The following DNAH9 variants were observed in gnomAD, a reference collection of about 807,000 sequenced individuals.
DNAH9 encodes dynein axonemal heavy chain 9.
Under a neutral mutation model 471.6 loss-of-function variants are expected in DNAH9, and 345 were observed. The observed-to-expected ratio is 0.73, with a 90% CI of 0.67 to 0.80. The LOEUF (loss-of-function observed/expected upper bound fraction) is 0.80, where lower values mean the gene tolerates loss of function less well. Ranked by LOEUF, DNAH9 falls within the 30% of genes least tolerant of loss-of-function variation. The probability of loss-of-function intolerance (pLI) is 0.00; values close to 1 mark genes in which losing one functional copy is unlikely to be tolerated. For missense variants in DNAH9, 5,407 were observed against 5,609.2 expected, an observed-to-expected ratio of 0.96 and a Z score of 1.15; for synonymous variants, 2,093 against 2,123.6, an observed-to-expected ratio of 0.99 and a Z score of 0.40.
intron 42 of DNAH9, among the ~76,000 whole-genome samples, chr17:11,795,021 T>C (rs1275759329): frequency 6.6e-6 from 1 of 152,052 alleles, no homozygotes; most frequent in Non-Finnish European, 1.5e-5. Flanking sequence ...CATGTATACA[T>C]ATGTAACAAA....
rs773110271 is a variant in DNAH9 at position 11,902,912 on chromosome 17, G to T, written c.11600G>T (p.Arg3867Leu). ...CCCGACCGGATGACCTATGCTTTGC[G>T]GTAGGAAACAGGGTGGTGGAAGGCC... ...MRPDRMTYALRDFVEEKLGSK... is the reference protein window; with the variant it reads ...MRPDRMTYALLDFVEEKLGSK... Residue 3867 changes from arginine to leucine, a missense_variant and splice_region_variant, in exon 60 of 69, where the codon CGA becomes CTA. Arg to Leu is a moderately radical substitution (Grantham distance 102). Coordinates refer to ENST00000262442, the MANE Select transcript of DNAH9 (RefSeq NM_001372.4). 3.1e-6 allele frequency: 5 copies of T among 1,611,720 alleles called. No individual in the cohort carries two copies. The highest frequency in any genetic ancestry group is 1.3e-5 in the African/African-American group (1 of 74,842).
intron 48 of DNAH9, among the ~76,000 whole-genome samples, chr17:11,825,928 G>A (rs1970472575): frequency 6.6e-6 from 1 of 152,170 alleles, no homozygotes; most frequent in African/African-American, 2.4e-5. Context: ...GGTTAATCTG[G>A]AACTATCATG....
At chr17:11,640,609 C>G (rs2073253382) in intron 10 of DNAH9, among the ~76,000 whole-genome samples, 1 of 152,184 alleles carries the variant, frequency 6.6e-6, no homozygotes, top group Admixed American at 6.5e-5. Context: ...AACTGGCTGA[C>G]TCATTTTGCT....
intron 48 of DNAH9, among the ~76,000 whole-genome samples, chr17:11,824,865 TCTTCTCCTTCTC>T (rs111768224): frequency 9.9e-5 from 15 of 151,430 alleles, no homozygotes; most frequent in African/African-American, 3.2e-4. Flanking sequence ...TTCAGTACTG[TCTTCTCCTTCTC>T]CTTCTCCTTC....
rs757394633 is a variant in DNAH9, at chr17:11,854,094, G to A, written c.9599G>A (p.Gly3200Asp). ...AAVMVLMAPR[G>D]RVPKDRSWKA... Reference sequence around the variant, plus strand: ...GTGATGGTACTGATGGCTCCCAGGGGTAGGGTGCCCAAGGACCGGAGCTGG... The same window carrying A: ...GTGATGGTACTGATGGCTCCCAGGGATAGGGTGCCCAAGGACCGGAGCTGG... The change falls in exon 50 of 69, where the codon GGT becomes GAT. Residue 3200 changes from glycine to aspartate, a missense_variant. Gly to Asp is a moderately conservative substitution (Grantham distance 94). Transcript: ENST00000262442. 2.5e-6 allele frequency: 4 copies of A among 1,614,044 alleles called. No homozygotes were observed. The highest frequency in any genetic ancestry group is 1.7e-5 in the Admixed American group (1 of 59,996).
At chr17:11,738,464 T>C (rs983576634) in intron 28 of DNAH9, among the ~76,000 whole-genome samples, 7 of 152,170 alleles carry the variant, frequency 4.6e-5, no homozygotes, top group Non-Finnish European at 8.8e-5. Context: ...CACGGCAACC[T>C]CCACCTCCCT....
intron 67 of DNAH9, among the ~76,000 whole-genome samples, chr17:11,960,802 C>T (rs373595523): frequency 6.6e-6 from 1 of 152,024 alleles, no homozygotes; most frequent in African/African-American, 2.4e-5. Context: ...AAAGTTAGAT[C>T]TAGAATTCCA....
intron 24 of DNAH9, among the ~76,000 whole-genome samples, chr17:11,703,709 T>C (rs928905299): frequency 6.6e-6 from 1 of 152,238 alleles, no homozygotes; most frequent in African/African-American, 2.4e-5. Context: ...TTTAAGGTTT[T>C]AAAATATCTT....
chr17:11,876,035 A>G (rs1165644729), intron 53 of DNAH9, among the ~76,000 whole-genome samples: 1 of 152,032 alleles, frequency 6.6e-6, no homozygotes, highest in Non-Finnish European at 1.5e-5. Flanking sequence ...CTGGTTAATA[A>G]CCAGTAAGGT....
intron 35 of DNAH9, among the ~76,000 whole-genome samples, chr17:11,758,592 T>G (rs1437329796): frequency 6.6e-6 from 1 of 152,044 alleles, no homozygotes; most frequent in Admixed American, 6.6e-5. Flanking sequence ...TTGTCAAGCA[T>G]GGGATATGAT....
chr17:11,718,916 G>GGCAAAGAT (rs913755814), intron 26 of DNAH9, among the ~76,000 whole-genome samples: 7 of 152,158 alleles, frequency 4.6e-5, no homozygotes, highest in African/African-American at 1.7e-4. Flanking sequence ...CCATTAGCCA[G>GGCAAAGAT]GCAAAGATTA....
intron 65 of DNAH9, among the ~76,000 whole-genome samples, chr17:11,936,026 G>T (rs1489085773): frequency 6.6e-6 from 1 of 152,200 alleles, no homozygotes; most frequent in Non-Finnish European, 1.5e-5. Flanking sequence ...ACAGGCAAAG[G>T]AAGTCTGTTT....
chr17:11,707,600 G>A (rs571145963), intron 26 of DNAH9, among the ~76,000 whole-genome samples: 3 of 150,216 alleles, frequency 2.0e-5, no homozygotes, highest in South Asian at 4.2e-4. Context: ...AGTCCGACTC[G>A]AACTGCTTCC....
At chr17:11,844,005 A>G (rs987390042) in intron 49 of DNAH9, among the ~76,000 whole-genome samples, 14 of 146,052 alleles carry the variant, frequency 9.6e-5, no homozygotes, top group Admixed American at 5.5e-4. Flanking sequence ...CTTGTTTTTT[A>G]TCTTTGCTTA....
intron 49 of DNAH9, among the ~76,000 whole-genome samples, chr17:11,853,698 A>T (rs1232344795): frequency 6.6e-6 from 1 of 152,206 alleles, no homozygotes; most frequent in Non-Finnish European, 1.5e-5. Flanking sequence ...ATTTCAGAGT[A>T]TGTCGGCATC....
At chr17:11,742,899 GCT>G (rs2075453013) in intron 30 of DNAH9, among the ~76,000 whole-genome samples, 4 of 152,228 alleles carry the variant, frequency 2.6e-5, no homozygotes, top group Admixed American at 2.6e-4. Context: ...CATAAAACAG[GCT>G]CTCTCAGCCA....
At chr17:11,644,831 A>G in intron 11 of DNAH9, 132 bp downstream of exon 11, 1 of 650,364 alleles carries the variant, frequency 1.5e-6, no homozygotes, top group Non-Finnish European at 2.6e-6. Context: ...TAACCACGAT[A>G]TTTGTGAGTA....
chr17:11,923,080 TTTG>T (rs1178009027), intron 61 of DNAH9, among the ~76,000 whole-genome samples: 2 of 143,128 alleles, frequency 1.4e-5, no homozygotes, highest in African/African-American at 2.6e-5. Context: ...TGGTTTTTGT[TTTG>T]TTTTGTTTTG....
chr17:11,667,461 A>C (rs565093068), intron 15 of DNAH9, among the ~76,000 whole-genome samples: 143 of 152,240 alleles, frequency 9.4e-4, no homozygotes, highest in African/African-American at 3.1e-3. Flanking sequence ...AATAATGAGA[A>C]TTTGTCATCC....
Sources: gnomAD v4.1 joint callset for allele counts (sites outside exome capture counted in the v4.1 genomes callset) on GRCh38, gnomAD v4.1.1 for gene constraint, MANE v1.5 for transcripts, NCBI Gene and HGNC (gene_info 2026-07-23, HGNC 2026-07-21) for gene names.